The following WWTR1 variants were observed in gnomAD, a reference collection of about 807,000 sequenced individuals.
WWTR1 encodes the protein WW domain-containing transcription regulator protein 1.
WWTR1 carries 13 observed loss-of-function variants against 40.1 expected under a neutral mutation model. The observed-to-expected ratio is 0.32, with a 90% CI of 0.21 to 0.52. The LOEUF is 0.52. WWTR1 is among the 20% of genes least tolerant of loss of function. The pLI, the probability that WWTR1 is intolerant of heterozygous loss-of-function variation, is 0.97. For missense variants in WWTR1, 436 were observed against 523.1 expected, an observed-to-expected ratio of 0.83 and a Z score of 1.63; for synonymous variants, 230 against 210.1, an observed-to-expected ratio of 1.09 and a Z score of -0.82.
intron 2 of WWTR1, among the ~76,000 whole-genome samples, chr3:149,668,607 C>CAA (rs10522665): frequency 8.0e-6 from 1 of 125,474 alleles, no homozygotes; most frequent in African/African-American, 2.9e-5. Flanking sequence ...GATTGTGTCT[C>CAA]AAAAAAAACA....
chr3:149,653,300 TTCAG>T (rs1301642642), intron 2 of WWTR1, among the ~76,000 whole-genome samples: 1 of 152,212 alleles, frequency 6.6e-6, no homozygotes, highest in Non-Finnish European at 1.5e-5. Context: ...GTGATCAGTA[TTCAG>T]TCAGTGTGCC....
At chr3:149,668,464 C>T (rs779771273) in intron 2 of WWTR1, among the ~76,000 whole-genome samples, 2 of 151,922 alleles carry the variant, frequency 1.3e-5, no homozygotes, top group Non-Finnish European at 1.5e-5. Context: ...AAAAATTAGC[C>T]GGGCATGGTG....
intron 4 of WWTR1, among the ~76,000 whole-genome samples, chr3:149,531,057 C>T (rs34955221): frequency 0.52 from 79,231 of 151,720 alleles, 22,070 homozygotes; most frequent in South Asian, 0.69. Context: ...GCCTCAGCCT[C>T]CCGAGTAGCT....
upstream of WWTR1, chr3:149,703,473 C>T (rs1279584535): frequency 6.6e-6 from 1 of 152,226 alleles, no homozygotes; most frequent in Admixed American, 6.5e-5. Flanking sequence ...TTCTCAGGCA[C>T]ATTACTTTAT....
intron 5 of WWTR1, among the ~76,000 whole-genome samples, chr3:149,711,169 A>C (rs1177874481): frequency 2.0e-5 from 3 of 151,500 alleles, no homozygotes; most frequent in Admixed American, 6.6e-5. Context: ...GCTAAAAAAA[A>C]AAAAAAAAAA....
At chr3:149,650,221 C>T (rs1396245955) in intron 2 of WWTR1, 1 of 152,326 alleles carries the variant, frequency 6.6e-6, no homozygotes, top group African/African-American at 2.4e-5. Flanking sequence ...CCATCCACCA[C>T]TCCACCACCA....
intron 1 of WWTR1, among the ~76,000 whole-genome samples, chr3:149,675,678 A>T (rs1034764391): frequency 6.6e-6 from 1 of 152,152 alleles, no homozygotes; most frequent in African/African-American, 2.4e-5. Context: ...AATTAAAAAC[A>T]TGGAAGTGGA....
At chr3:149,680,373 G>C (rs1223934677) in intron 1 of WWTR1, among the ~76,000 whole-genome samples, 1 of 152,148 alleles carries the variant, frequency 6.6e-6, no homozygotes, top group Non-Finnish European at 1.5e-5. Flanking sequence ...GCGAAACCCT[G>C]TCTCTACTCA....
chr3:149,593,943 T>G (rs1007085847), intron 2 of WWTR1, among the ~76,000 whole-genome samples: 10 of 152,210 alleles, frequency 6.6e-5, no homozygotes, highest in Non-Finnish European at 1.0e-4. Context: ...AATGAACCCA[T>G]GACGCTGGAT....
intron 4 of WWTR1, among the ~76,000 whole-genome samples, chr3:149,718,568 C>T (rs1715668453): frequency 1.3e-5 from 2 of 152,218 alleles, no homozygotes; most frequent in Non-Finnish European, 2.9e-5. Context: ...ACATCACCAG[C>T]ATCCATCTCC....
At chr3:149,612,338 T>C (rs1739771527) in intron 2 of WWTR1, among the ~76,000 whole-genome samples, 1 of 151,394 alleles carries the variant, frequency 6.6e-6, no homozygotes, top group Non-Finnish European at 1.5e-5. Context: ...GGGTAAACGT[T>C]CTCACAGATT....
chr3:149,530,537 GT>G (rs1294079776), intron 4 of WWTR1, among the ~76,000 whole-genome samples: 1 of 151,526 alleles, frequency 6.6e-6, no homozygotes, highest in African/African-American at 2.4e-5. Context: ...AAAATAAATA[GT>G]TCTAAACTTT....
chr3:149,716,971 T>A (rs1390223128), intron 5 of WWTR1, among the ~76,000 whole-genome samples: 1 of 151,966 alleles, frequency 6.6e-6, no homozygotes, highest in Non-Finnish European at 1.5e-5. Context: ...GAGCCCAGAG[T>A]TCGAGACCAG....
chr3:149,576,295 C>T (rs1737876187), intron 2 of WWTR1: 1 of 344,962 alleles, frequency 2.9e-6, no homozygotes, highest in South Asian at 2.3e-5. Context: ...TCCTATTGTT[C>T]TAATCACTTA....
chr3:149,566,606 T>C (rs908967150), intron 3 of WWTR1, among the ~76,000 whole-genome samples: 2 of 152,210 alleles, frequency 1.3e-5, no homozygotes, highest in Admixed American at 6.5e-5. Flanking sequence ...GATGCCTAAG[T>C]AGAAATCTGA....
At chr3:149,655,780 T>A (rs1354237268) in intron 2 of WWTR1, among the ~76,000 whole-genome samples, 1 of 152,252 alleles carries the variant, frequency 6.6e-6, no homozygotes, top group African/African-American at 2.4e-5. Flanking sequence ...GGCTCTCTCA[T>A]AGCAATCAGA....
chr3:149,614,460 T>A lies in WWTR1; in HGVS notation c.432-41460A>T, dbSNP rs528692359. ...GTGTAGTAGACTATACTTTCTATGATGTTCACAAAATGATGAAAACATCTA... is the reference window on the plus strand; with the variant it reads ...GTGTAGTAGACTATACTTTCTATGAAGTTCACAAAATGATGAAAACATCTA... On this transcript the variant is annotated intron_variant, in intron 2 of 6. Transcript: ENST00000360632. Among the ~76,000 whole-genome samples, 12 of 152,316 alleles carry A rather than the reference T, an allele frequency of 7.9e-5. No individual in the cohort carries two copies. In the South Asian group the frequency reaches 2.5e-3, roughly 32 times the overall value.
At position 149,552,834 on chromosome 3, in the gene WWTR1, A is replaced by G. The variant is rs1736667761; in HGVS notation, c.569-10297T>C. ...AAGTGTACGGCTTGAAGCAGAGGCT[A>G]TCCTTATGTCCCAGGGTTCTTTCAT... On this transcript the variant is annotated intron_variant, in intron 3 of 6. Transcript: ENST00000360632. 2.0e-5 allele frequency among the ~76,000 whole-genome samples: 3 copies of G among 152,224 alleles called. No individual in the cohort carries two copies. In the South Asian group the frequency reaches 6.2e-4, roughly 32 times the overall value.
chr3:149,580,285 C>T (rs1057449123), intron 2 of WWTR1, among the ~76,000 whole-genome samples: 2 of 152,160 alleles, frequency 1.3e-5, no homozygotes, highest in Admixed American at 1.3e-4. Context: ...TAACCAACAC[C>T]AGAGATGAGT....
Sources: allele counts gnomAD v4.1 joint callset (sites outside exome capture counted in the v4.1 genomes callset), GRCh38; gene constraint gnomAD v4.1.1; transcripts MANE v1.5; gene names NCBI Gene and HGNC (gene_info 2026-07-23, HGNC 2026-07-21).